IFT70B: variants seen among roughly 807,000 people sequenced by gnomAD.
IFT70B encodes the protein intraflagellar transport 70B.
At chr2:177,552,357 A>G in the IFT70B span, 1 of 1,613,936 alleles carries the variant, frequency 6.2e-7, no homozygotes, top group Non-Finnish European at 8.5e-7. Flanking sequence ...CAGCTGCTCT[A>G]CCAGGCTCCT....
At chr2:177,550,871 T>C in the IFT70B span, 1 of 1,614,166 alleles carries the variant, frequency 6.2e-7, no homozygotes, top group Non-Finnish European at 8.5e-7. Flanking sequence ...CCAGGGGTTG[T>C]TCAATAACAG....
the IFT70B span, chr2:177,550,862 C>G: frequency 9.9e-6 from 16 of 1,614,052 alleles, no homozygotes; most frequent in Non-Finnish European, 1.3e-5. Context: ...TTTCTTCTTC[C>G]AGGGGTTGTT....
the IFT70B span, chr2:177,550,568 A>G: frequency 2.1e-6 from 1 of 470,902 alleles, no homozygotes; most frequent in East Asian, 3.7e-5. Flanking sequence ...GGAATTTTTC[A>G]TAACTCCTGG....
At chr2:177,549,599 A>C in the IFT70B span, 1 of 152,224 alleles carries the variant, frequency 6.6e-6, no homozygotes, top group South Asian at 2.1e-4. Context: ...TCAAGTTAGG[A>C]TTGACAGTTA....
the IFT70B span, chr2:177,550,908 C>A: frequency 6.2e-7 from 1 of 1,614,122 alleles, no homozygotes. Context: ...ATGAAGTTCA[C>A]AGTGTTCTAG....
chr2:177,550,830 G>A, the IFT70B span: 15 of 1,613,982 alleles, frequency 9.3e-6, no homozygotes, highest in African/African-American at 1.9e-4. Flanking sequence ...ATATGTGACT[G>A]TATTCTTTCC....
chr2:177,552,257 C>T, the IFT70B span: 6 of 1,614,148 alleles, frequency 3.7e-6, no homozygotes, highest in African/African-American at 6.7e-5. Context: ...CAGCTTCATA[C>T]TGTCCCTCCT....
At chr2:177,552,262 C>G in the IFT70B span, 1 of 1,614,242 alleles carries the variant, frequency 6.2e-7, no homozygotes. Flanking sequence ...TCATACTGTC[C>G]CTCCTTGTAG....
the IFT70B span, chr2:177,550,866 G>T: frequency 6.2e-7 from 1 of 1,613,986 alleles, no homozygotes. Flanking sequence ...TTCTTCCAGG[G>T]GTTGTTCAAT....
the IFT70B span, chr2:177,550,291 T>C: frequency 6.6e-6 from 1 of 152,530 alleles, no homozygotes; most frequent in Non-Finnish European, 1.5e-5. Flanking sequence ...ATTATATCCA[T>C]ATGAATAAAC....
chr2:177,552,765 A>G, the IFT70B span: 1 of 1,550,350 alleles, frequency 6.5e-7, no homozygotes, highest in East Asian at 2.3e-5. Flanking sequence ...GCCAGCCATA[A>G]CCACCACGGC....
At chr2:177,552,305 C>T in the IFT70B span, 1 of 1,614,256 alleles carries the variant, frequency 6.2e-7, no homozygotes, top group Non-Finnish European at 8.5e-7. Flanking sequence ...GGCCATCGGT[C>T]TCATTCTCGC....
the IFT70B span, chr2:177,550,638 CT>C: frequency 0.01 from 6,820 of 673,006 alleles, 1 homozygote; most frequent in Middle Eastern, 0.014. Context: ...GTTTTAGCTA[CT>C]TTTTTTTTTA....
chr2:177,551,413 C>A, the IFT70B span: 7 of 1,614,278 alleles, frequency 4.3e-6, no homozygotes, highest in African/African-American at 6.7e-5. Context: ...CAGAATTCCA[C>A]AGATTTGCGG....
chr2:177,549,405 T>C, the IFT70B span: 1 of 152,252 alleles, frequency 6.6e-6, no homozygotes, highest in South Asian at 2.1e-4. Context: ...TCAGTACTTA[T>C]GTGGCTAAGT....
the IFT70B span, chr2:177,549,226 G>A: frequency 2.0e-5 from 3 of 152,310 alleles, no homozygotes; most frequent in East Asian, 5.8e-4. Flanking sequence ...TCCTCCACAT[G>A]TGAGACTAAA....
At chr2:177,550,817 C>T in the IFT70B span, 1 of 1,613,956 alleles carries the variant, frequency 6.2e-7, no homozygotes, top group Non-Finnish European at 8.5e-7. Flanking sequence ...ACTGCCTAGA[C>T]TCATATGTGA....
chr2:177,552,690 G>T, the IFT70B span: 3 of 1,599,584 alleles, frequency 1.9e-6, no homozygotes, highest in African/African-American at 1.3e-5. Context: ...GGCGTAGCGT[G>T]CATTGCGGAT....
chr2:177,549,529 CTG>C, the IFT70B span: 1 of 150,034 alleles, frequency 6.7e-6, no homozygotes, highest in South Asian at 2.1e-4. Flanking sequence ...ACATCAAAAA[CTG>C]TCAAAATCAA....
Sources: gnomAD v4.1 joint callset for allele counts on GRCh38, gnomAD v4.1.1 for gene constraint, MANE v1.5 for transcripts, NCBI Gene and HGNC (gene_info 2026-07-23, HGNC 2026-07-21) for gene names.